The following SPAG16 variants were observed in gnomAD, a reference collection of about 807,000 sequenced individuals.
The protein encoded by SPAG16 is sperm associated antigen 16.
A neutral mutation model predicts 80.4 loss-of-function variants in SPAG16; 86 were observed. The observed-to-expected ratio is 1.07, with a 90% CI of 0.90 to 1.28. The LOEUF is 1.28. Among genes scored for constraint, SPAG16 ranks in the 50% most tolerant of loss-of-function variants. The pLI, the probability that SPAG16 is intolerant of heterozygous loss-of-function variation, is 0.00. For synonymous variants in SPAG16, 294 were observed against 265.9 expected (o/e 1.11, Z -1.03); for missense variants, 870 against 765.3 (o/e 1.14, Z -1.61).
At chr2:214,276,933 A>T (rs925447269) in intron 15 of SPAG16, among the ~76,000 whole-genome samples, 4 of 151,602 alleles carry the variant, frequency 2.6e-5, no homozygotes, top group African/African-American at 4.9e-5. Context: ...TACACTAATC[A>T]AACATAGATT....
intron 13 of SPAG16, among the ~76,000 whole-genome samples, chr2:214,103,636 T>C (rs1246579214): frequency 1.3e-5 from 2 of 152,108 alleles, no homozygotes; most frequent in African/African-American, 4.8e-5. Context: ...TCCAGGCAGT[T>C]AGAAAACAGG....
intron 10 of SPAG16, among the ~76,000 whole-genome samples, chr2:213,543,489 C>T (rs576376842): frequency 8.6e-5 from 13 of 151,980 alleles, no homozygotes; most frequent in Non-Finnish European, 1.3e-4. Context: ...GATCTTTCCC[C>T]ATTCCTAGGT....
chr2:214,229,718 A>G (rs190984322), intron 15 of SPAG16, among the ~76,000 whole-genome samples: 26 of 151,996 alleles, frequency 1.7e-4, no homozygotes, highest in Non-Finnish European at 3.4e-4. Flanking sequence ...CAGATACAAA[A>G]AAAAGGTGAC....
chr2:213,322,081 A>G (rs2126150498), intron 5 of SPAG16, among the ~76,000 whole-genome samples: 1 of 150,388 alleles, frequency 6.6e-6, no homozygotes, highest in Admixed American at 6.6e-5. Flanking sequence ...AATAAAAATA[A>G]ATAAATAAAT....
At chr2:213,999,929 C>T (rs956304523) in intron 12 of SPAG16, among the ~76,000 whole-genome samples, 1 of 151,812 alleles carries the variant, frequency 6.6e-6, no homozygotes, top group African/African-American at 2.4e-5. Flanking sequence ...AATACCTGTA[C>T]CCCTATTGTA....
intron 10 of SPAG16, among the ~76,000 whole-genome samples, chr2:213,556,869 T>G (rs973465592): frequency 1.1e-4 from 16 of 152,262 alleles, no homozygotes; most frequent in African/African-American, 3.8e-4. Flanking sequence ...TTAACACATG[T>G]AAGAAGATTA....
intron 13 of SPAG16, among the ~76,000 whole-genome samples, chr2:214,040,728 T>TTTTA (rs1559724058): frequency 6.6e-6 from 1 of 152,260 alleles, no homozygotes; most frequent in African/African-American, 2.4e-5. Context: ...TTGTCATTGT[T>TTTTA]TTTATTTCTT....
intron 10 of SPAG16, among the ~76,000 whole-genome samples, chr2:213,547,941 T>C (rs113684404): frequency 5.8e-4 from 89 of 152,332 alleles, no homozygotes; most frequent in Middle Eastern, 3.4e-3. Context: ...TATTACGTTG[T>C]ATAATATACC....
chr2:214,326,334 T>C (rs1445160639), intron 15 of SPAG16, among the ~76,000 whole-genome samples: 5 of 152,274 alleles, frequency 3.3e-5, no homozygotes, highest in Admixed American at 2.0e-4. Flanking sequence ...AGGCTAGGAA[T>C]AGAATCTCCC....
chr2:214,155,979 TCTGA>T (rs2056195876), intron 15 of SPAG16, among the ~76,000 whole-genome samples: 1 of 152,194 alleles, frequency 6.6e-6, no homozygotes, highest in Non-Finnish European at 1.5e-5. Context: ...TTTATGTTAT[TCTGA>T]CTCTTATTCT....
intron 15 of SPAG16, among the ~76,000 whole-genome samples, chr2:214,233,100 T>C (rs1688812630): frequency 6.6e-6 from 1 of 151,894 alleles, no homozygotes; most frequent in African/African-American, 2.4e-5. Context: ...AAGTACATAC[T>C]ATAAAGAGCT....
Position 213,703,620 on chromosome 2 carries a change from C to T in SPAG16, c.1071-158865C>T, listed in dbSNP as rs935202047. On this transcript the variant is annotated intron_variant, in intron 10 of 15. Coordinates refer to ENST00000331683, the MANE Select transcript of SPAG16 (RefSeq NM_024532.5). ...CACCACAGAGATGCACCAATCAGCT[C>T]CCCTTTCAAGAAAAGACTCATTGTC... Among the ~76,000 whole-genome samples, 4 of 152,164 alleles carry T rather than the reference C, an allele frequency of 2.6e-5. No homozygotes were observed. The East Asian group carries it at 7.7e-4, about 29-fold the overall frequency.
chr2:214,059,186 C>CCATATATATATATATATA (rs2050102081), intron 13 of SPAG16, among the ~76,000 whole-genome samples: 1 of 114,390 alleles, frequency 8.7e-6, no homozygotes, highest in African/African-American at 3.5e-5. Context: ...CTCTCTCTGT[C>CCATATATATATATATATA]TATATATATA....
intron 11 of SPAG16, among the ~76,000 whole-genome samples, chr2:213,911,066 T>TA (rs916432026): frequency 1.1e-4 from 17 of 151,254 alleles, no homozygotes; most frequent in South Asian, 4.2e-4. Flanking sequence ...TACATTTCTT[T>TA]AAAAAAAAAG....
chr2:213,766,576 A>G (rs1249096021), intron 10 of SPAG16, among the ~76,000 whole-genome samples: 2 of 152,166 alleles, frequency 1.3e-5, no homozygotes, highest in Non-Finnish European at 2.9e-5. Flanking sequence ...CATGATTCAA[A>G]CCAGAGAAAT....
Position 213,608,483 on chromosome 2 carries a change from T to A in SPAG16, c.1070+118393T>A, listed in dbSNP as rs111606497. 7.0e-4 allele frequency among the ~76,000 whole-genome samples: 107 copies of A among 152,344 alleles called. 1 individual carries two copies. Among genetic ancestry groups the A allele is most frequent in the African/African-American group, 2.5e-3 (106 of 41,572 alleles). ...ATGATGGTTTCCAGCTTCATCCATG[T>A]CCCTACAAAGGACATGAACTCATCA... On this transcript the variant is annotated intron_variant, in intron 10 of 15. Coordinates refer to ENST00000331683, the MANE Select transcript of SPAG16 (RefSeq NM_024532.5).
Position 213,370,549 on chromosome 2 carries a change from A to T in SPAG16, c.833-4461A>T, listed in dbSNP as rs764746543. On this transcript the variant is annotated intron_variant, in intron 8 of 15. Coordinates refer to ENST00000331683, the MANE Select transcript of SPAG16 (RefSeq NM_024532.5). ...TAATTTCATGAACTGTAACTCCAAAAATGACTAAATAGTCTGAAAAAGAAT... is the reference window on the plus strand; with the variant it reads ...TAATTTCATGAACTGTAACTCCAAATATGACTAAATAGTCTGAAAAAGAAT... Among the ~76,000 whole-genome samples the T allele has an allele frequency of 1.1e-4, 16 of 150,260 alleles. No homozygotes were observed. In the South Asian group the frequency reaches 2.1e-3, roughly 19 times the overall value.
At chr2:213,873,088 A>G (rs1217500172) in intron 11 of SPAG16, among the ~76,000 whole-genome samples, 1 of 152,064 alleles carries the variant, frequency 6.6e-6, no homozygotes, top group African/African-American at 2.4e-5. Context: ...TAAGTTAGGC[A>G]GTGTTCCCTC....
chr2:214,061,981 G>GTA (rs2050279288), intron 13 of SPAG16, among the ~76,000 whole-genome samples: 1 of 111,538 alleles, frequency 9.0e-6, no homozygotes, highest in Non-Finnish European at 2.0e-5. Flanking sequence ...ATAAAAGCAT[G>GTA]CACACACACA....
Sources: allele counts gnomAD v4.1 joint callset (sites outside exome capture counted in the v4.1 genomes callset), GRCh38; gene constraint gnomAD v4.1.1; transcripts MANE v1.5; gene names NCBI Gene and HGNC (gene_info 2026-07-23, HGNC 2026-07-21).